WNT3: variants seen among roughly 807,000 people sequenced by gnomAD.
The protein encoded by WNT3 is Wnt family member 3, also known as proto-oncogene Wnt-3.
Under a neutral mutation model 34.2 loss-of-function variants are expected in WNT3, and 7 were observed. That is an observed-to-expected ratio of 0.20 (90% CI 0.12 to 0.38). The LOEUF is 0.38. Ranked by LOEUF, WNT3 falls within the 10% of genes least tolerant of loss-of-function variation. The probability of loss-of-function intolerance (pLI) is 1.00; values close to 1 mark genes in which losing one functional copy is unlikely to be tolerated. For missense variants in WNT3, 267 were observed against 499.8 expected (o/e 0.53, Z 4.44); for synonymous variants, 212 against 211.5 (o/e 1.00, Z -0.02).
At chr17:46,803,101 G>T (rs902561373) in intron 1 of WNT3, among the ~76,000 whole-genome samples, 1 of 152,218 alleles carries the variant, frequency 6.6e-6, no homozygotes, top group Non-Finnish European at 1.5e-5. Flanking sequence ...ATTAGAGGAC[G>T]CTGGCTGATG....
At chr17:46,795,981 G>A (rs2084048715) in intron 1 of WNT3, among the ~76,000 whole-genome samples, 1 of 151,744 alleles carries the variant, frequency 6.6e-6, no homozygotes, top group Non-Finnish European at 1.5e-5. Flanking sequence ...GATGAATAGA[G>A]GATTAAAAAA....
At chr17:46,783,002 G>T (rs1017545461) in intron 1 of WNT3, among the ~76,000 whole-genome samples, 8 of 152,212 alleles carry the variant, frequency 5.3e-5, no homozygotes, top group Non-Finnish European at 7.3e-5. Flanking sequence ...GCCTCAGGGG[G>T]TGCCTTTCAT....
intron 2 of WNT3, among the ~76,000 whole-genome samples, chr17:46,772,133 G>A (rs1297149364): frequency 6.6e-6 from 1 of 152,174 alleles, no homozygotes; most frequent in Non-Finnish European, 1.5e-5. Context: ...AGCTGGGCGC[G>A]AACCTGGGTT....
At chr17:46,800,266 A>T (rs2084107561) in intron 1 of WNT3, among the ~76,000 whole-genome samples, 1 of 151,958 alleles carries the variant, frequency 6.6e-6, no homozygotes, top group South Asian at 2.1e-4. Context: ...GCCCACCACC[A>T]CACCCAGCTA....
chr17:46,785,678 C>T (rs920130751), intron 1 of WNT3, among the ~76,000 whole-genome samples: 2 of 152,168 alleles, frequency 1.3e-5, no homozygotes, highest in Non-Finnish European at 2.9e-5. Context: ...CCTGAGAGCC[C>T]GGGAGGACCA....
chr17:46,795,793 C>A (rs1026961591), intron 1 of WNT3, among the ~76,000 whole-genome samples: 27 of 152,254 alleles, frequency 1.8e-4, no homozygotes, highest in African/African-American at 5.5e-4. Flanking sequence ...GTGCTAGTAA[C>A]CCCCAGGCTT....
At chr17:46,791,270 G>T (rs2083983236) in intron 1 of WNT3, among the ~76,000 whole-genome samples, 1 of 151,676 alleles carries the variant, frequency 6.6e-6, no homozygotes, top group African/African-American at 2.4e-5. Flanking sequence ...CTGTAGTGCA[G>T]TGGCGTGATC....
chr17:46,802,378 G>A (rs2084136665), intron 1 of WNT3, among the ~76,000 whole-genome samples: 1 of 152,174 alleles, frequency 6.6e-6, no homozygotes, highest in Non-Finnish European at 1.5e-5. Context: ...CGATTCTCCT[G>A]CCTCAGCCTC....
chr17:46,786,031 C>A (rs2059502578), intron 1 of WNT3, among the ~76,000 whole-genome samples: 8 of 152,180 alleles, frequency 5.3e-5, no homozygotes, highest in Admixed American at 5.2e-4. Context: ...GTGTTGTGAG[C>A]ATGAAGTGCT....
chr17:46,816,119 A>ACACACACACACACGTACG (rs71138553), intron 1 of WNT3, among the ~76,000 whole-genome samples: 2 of 150,552 alleles, frequency 1.3e-5, no homozygotes, highest in Admixed American at 1.3e-4. Flanking sequence ...ACGTACACAC[A>ACACACACACACACGTACG]CACACACACA....
intron 1 of WNT3, among the ~76,000 whole-genome samples, chr17:46,778,570 C>A (rs928682961): frequency 2.6e-5 from 4 of 152,108 alleles, no homozygotes; most frequent in African/African-American, 9.7e-5. Flanking sequence ...GAAATTCCAC[C>A]ATCGCAGACA....
chr17:46,817,630 A>C, intron 1 of WNT3, among the ~76,000 whole-genome samples: 1 of 134,616 alleles, frequency 7.4e-6, no homozygotes, highest in East Asian at 2.7e-4. Flanking sequence ...CCAGACACGC[A>C]CAGCCCCCCC....
At chr17:46,776,945 C>G (rs1469328746) in intron 1 of WNT3, among the ~76,000 whole-genome samples, 1 of 152,178 alleles carries the variant, frequency 6.6e-6, no homozygotes, top group African/African-American at 2.4e-5. Context: ...TTGACACCTT[C>G]TGCAGGCCTG....
At chr17:46,803,547 T>C (rs2084153714) in intron 1 of WNT3, among the ~76,000 whole-genome samples, 1 of 151,908 alleles carries the variant, frequency 6.6e-6, no homozygotes, top group Non-Finnish European at 1.5e-5. Context: ...AAAAAAAAAG[T>C]TAAACAATCA....
chr17:46,814,765 C>T (rs920854162), intron 1 of WNT3, among the ~76,000 whole-genome samples: 8 of 152,220 alleles, frequency 5.3e-5, no homozygotes, highest in African/African-American at 9.6e-5. Flanking sequence ...CTGACCCCCA[C>T]GGGGTTTGAC....
intron 1 of WNT3, among the ~76,000 whole-genome samples, chr17:46,777,048 T>G (rs1296877352): frequency 6.6e-6 from 1 of 151,842 alleles, no homozygotes; most frequent in East Asian, 1.9e-4. Flanking sequence ...ATTATACAGA[T>G]GAAAAACAGA....
intron 1 of WNT3, among the ~76,000 whole-genome samples, chr17:46,799,486 T>A (rs1167784112): frequency 6.7e-6 from 1 of 149,558 alleles, no homozygotes; most frequent in Non-Finnish European, 1.5e-5. Flanking sequence ...CTCACTCTGT[T>A]GCCCAGGCTG....
intron 1 of WNT3, among the ~76,000 whole-genome samples, chr17:46,790,621 C>T (rs961690172): frequency 2.0e-5 from 3 of 152,256 alleles, no homozygotes; most frequent in East Asian, 1.9e-4. Flanking sequence ...AGGATCAACC[C>T]GTCCCCTGTT....
chr17:46,775,200 A>G (rs1260638011), intron 1 of WNT3, among the ~76,000 whole-genome samples: 1 of 152,226 alleles, frequency 6.6e-6, no homozygotes. Flanking sequence ...TTTCTGATCA[A>G]TTCCCAAACA....
Sources: allele counts gnomAD v4.1 joint callset (sites outside exome capture counted in the v4.1 genomes callset), GRCh38; gene constraint gnomAD v4.1.1; transcripts MANE v1.5; gene names NCBI Gene and HGNC (gene_info 2026-07-23, HGNC 2026-07-21).